The following OSBPL6 variants were observed in gnomAD, a reference collection of about 807,000 sequenced individuals.
OSBPL6 encodes oxysterol binding protein like 6, also known as oxysterol-binding protein-related protein 6.
Under a neutral mutation model 125.8 loss-of-function variants are expected in OSBPL6, and 49 were observed. The ratio of observed to expected loss-of-function variants is 0.39; its 90% CI spans 0.31 to 0.49. The LOEUF is 0.49. OSBPL6 is among the 20% of genes least tolerant of loss of function. The pLI is 0.88. For missense variants in OSBPL6, 986 were observed against 1,135.4 expected, an observed-to-expected ratio of 0.87 and a Z score of 1.89; for synonymous variants, 394 against 391.8, an observed-to-expected ratio of 1.01 and a Z score of -0.07.
intron 12 of OSBPL6, among the ~76,000 whole-genome samples, chr2:178,354,377 A>C (rs983810091): frequency 6.6e-6 from 1 of 152,184 alleles, no homozygotes; most frequent in African/African-American, 2.4e-5. Flanking sequence ...GCTCAAAATA[A>C]AGGGATGGAG....
chr2:178,375,827 T>C (rs1249317073), intron 15 of OSBPL6, among the ~76,000 whole-genome samples: 1 of 152,194 alleles, frequency 6.6e-6, no homozygotes, highest in Non-Finnish European at 1.5e-5. Context: ...GAGAGATATT[T>C]CCAAGTCCCT....
chr2:178,383,167 C>T lies in OSBPL6; in HGVS notation c.1765C>T (p.Pro589Ser), dbSNP rs1048276634. Residue 589 changes from proline to serine, a missense_variant, in exon 17 of 25, where the codon CCT becomes TCT. By Grantham distance (74) the Pro-to-Ser change is moderately conservative (BLOSUM62 -1). Coordinates refer to ENST00000190611, the MANE Select transcript of OSBPL6 (RefSeq NM_032523.4). ...IGKDLSKVSM[P>S]VELNEPLNTL... is the part of the protein sequence containing the mutation. ...TAAAGACCTGTCTAAAGTCTCTATG[C>T]CTGTGGAGCTAAACGAGCCGCTCAA... 1.2e-6 allele frequency: 2 copies of T among 1,614,168 alleles called. No individual in the cohort carries two copies. The highest frequency in any genetic ancestry group is 1.7e-6 in the Non-Finnish European group (2 of 1,180,040).
chr2:178,357,972 A>G (rs1691967424), intron 12 of OSBPL6, among the ~76,000 whole-genome samples: 1 of 152,202 alleles, frequency 6.6e-6, no homozygotes, highest in Non-Finnish European at 1.5e-5. Context: ...TTCTCAGCAA[A>G]CTATCACAAA....
At position 178,306,030 on chromosome 2, in the gene OSBPL6, G is replaced by A. The variant is rs1012202536; in HGVS notation, c.-155G>A. ...TGAGGCTTGTTTGTTTTGCTTTTAG[G>A]TGGTTTGGACACCCTCAATATTGCC... On this transcript the variant is annotated splice_region_variant and 5_prime_UTR_variant, in exon 3 of 25. It adds an upstream start codon to the 5' untranslated region. Transcript: ENST00000190611. The A allele has an allele frequency of 5.7e-6, 3 of 524,812 alleles. No homozygotes were observed. In the Admixed American group the frequency reaches 1.1e-4, roughly 19 times the overall value. 32.5% of individuals were successfully genotyped at this position (524,812 alleles called of 1,614,324 possible).
chr2:178,229,498 G>C (rs991864828), intron 1 of OSBPL6, among the ~76,000 whole-genome samples: 1 of 152,098 alleles, frequency 6.6e-6, no homozygotes, highest in Non-Finnish European at 1.5e-5. Context: ...CCTACCCCCA[G>C]ACCAGCAGCA....
chr2:178,305,021 T>C (rs765364160), intron 2 of OSBPL6, among the ~76,000 whole-genome samples: 38 of 152,210 alleles, frequency 2.5e-4, no homozygotes, highest in Non-Finnish European at 3.8e-4. Flanking sequence ...GTCTCACTTT[T>C]TTGTGGCCTA....
intron 1 of OSBPL6, among the ~76,000 whole-genome samples, chr2:178,245,144 TGTATGAGGAATGCCTGCCTCCTC>T: frequency 6.6e-6 from 1 of 152,214 alleles, no homozygotes; most frequent in African/African-American, 2.4e-5. Flanking sequence ...ACATCAGAGC[TGTATGAGGAATGCCTGCCTCCTC>T]ACTCAGCCTG....
At position 178,336,534 on chromosome 2, in the gene OSBPL6, C is replaced by T; in HGVS notation, c.790+101C>T. 4 of 1,351,042 alleles carry T rather than the reference C, an allele frequency of 3.0e-6. No individual in the cohort carries two copies. The South Asian group carries it at 4.1e-5, about 14-fold the overall frequency. 83.7% of individuals were successfully genotyped at this position (1,351,042 alleles called of 1,614,324 possible). Reference sequence around the variant, plus strand: ...AGTGCTACATCTTTTACCCTGATTGCCTTGATCGTCTTGACCTTTCCTTGC... The same window carrying T: ...AGTGCTACATCTTTTACCCTGATTGTCTTGATCGTCTTGACCTTTCCTTGC... On this transcript the variant is annotated intron_variant, in intron 9 of 24. Coordinates refer to ENST00000190611, the MANE Select transcript of OSBPL6 (RefSeq NM_032523.4).
chr2:178,270,779 A>G lies in OSBPL6; in HGVS notation c.-350-14148A>G, dbSNP rs193053289. On this transcript the variant is annotated intron_variant, in intron 1 of 24. Transcript: ENST00000190611. ...AATAATCCATTGGTCTTGGTTTTGA[A>G]AAAGAAAAATGTTAACCTAATATTA... 7.9e-5 allele frequency among the ~76,000 whole-genome samples: 12 copies of G among 152,316 alleles called. No homozygotes were observed. The East Asian group carries it at 1.3e-3, about 17-fold the overall frequency.
chr2:178,365,351 A>G (rs917014020), intron 13 of OSBPL6, among the ~76,000 whole-genome samples: 2 of 152,248 alleles, frequency 1.3e-5, no homozygotes, highest in Non-Finnish European at 2.9e-5. Flanking sequence ...CACATAGCAG[A>G]TAAAATACTT....
At chr2:178,382,377 C>G in intron 15 of OSBPL6, 43 bp from the exon 16 acceptor site, 9 of 1,543,998 alleles carry the variant, frequency 5.8e-6, no homozygotes, top group Non-Finnish European at 7.8e-6. Flanking sequence ...GCTTGCAAAA[C>G]TGAACAAGAA....
At chr2:178,193,971 C>T (rs1459011237), upstream of OSBPL6, among the ~76,000 whole-genome samples, 1 of 152,212 alleles carries the variant, frequency 6.6e-6, no homozygotes, top group Non-Finnish European at 1.5e-5. Context: ...CTCAGAAGGG[C>T]GCCCAGGGAC....
intron 1 of OSBPL6, among the ~76,000 whole-genome samples, chr2:178,275,065 C>T (rs370050685): frequency 6.6e-5 from 10 of 152,036 alleles, no homozygotes; most frequent in East Asian, 1.9e-4. Flanking sequence ...AAGATAACTC[C>T]GATGACAATG....
chr2:178,216,396 C>T (rs941523169), intron 1 of OSBPL6, among the ~76,000 whole-genome samples: 2 of 152,128 alleles, frequency 1.3e-5, no homozygotes, highest in East Asian at 3.8e-4. Flanking sequence ...CTGACCATAT[C>T]TGGGAAAACT....
At chr2:178,317,437 CATATAT>C (rs6147046) in intron 3 of OSBPL6, among the ~76,000 whole-genome samples, 3,331 of 106,732 alleles carry the variant, frequency 0.031, 98 homozygotes, top group African/African-American at 0.077. Flanking sequence ...ACTTAGACAC[CATATAT>C]ATATATATAT....
intron 3 of OSBPL6, among the ~76,000 whole-genome samples, chr2:178,308,662 A>G (rs984093190): frequency 6.6e-6 from 1 of 152,150 alleles, no homozygotes; most frequent in African/African-American, 2.4e-5. Context: ...GTATAAACCA[A>G]TTTGCTATCA....
intron 1 of OSBPL6, among the ~76,000 whole-genome samples, chr2:178,281,264 C>T (rs1025638876): frequency 2.0e-5 from 3 of 152,116 alleles, no homozygotes; most frequent in Non-Finnish European, 2.9e-5. Context: ...CCGCCTGCCT[C>T]GGCCTCCCAA....
At chr2:178,351,509 A>G (rs1041530627) in intron 12 of OSBPL6, among the ~76,000 whole-genome samples, 1 of 152,242 alleles carries the variant, frequency 6.6e-6, no homozygotes, top group African/African-American at 2.4e-5. Flanking sequence ...ATACTTAGGA[A>G]TAAACTTAAG....
chr2:178,372,558 C>T (rs1024071305), intron 14 of OSBPL6, among the ~76,000 whole-genome samples: 3 of 122,634 alleles, frequency 2.4e-5, no homozygotes, highest in East Asian at 5.7e-4. Context: ...ATCAAATGGC[C>T]GGTGAAATGT....
Sources: allele counts gnomAD v4.1 joint callset (sites outside exome capture counted in the v4.1 genomes callset), GRCh38; gene constraint gnomAD v4.1.1; transcripts MANE v1.5; gene names NCBI Gene and HGNC (gene_info 2026-07-23, HGNC 2026-07-21).